Variants in ANTXR2 observed in about 807,000 individuals in gnomAD.
ANTXR2 encodes ANTXR cell adhesion molecule 2.
A neutral mutation model predicts 73.7 loss-of-function variants in ANTXR2; 44 were observed. The observed-to-expected ratio is 0.60, with a 90% CI of 0.47 to 0.77. ANTXR2 has a LOEUF of 0.77. Ranked by LOEUF, ANTXR2 falls within the 30% of genes least tolerant of loss-of-function variation. The pLI, the probability that ANTXR2 is intolerant of heterozygous loss-of-function variation, is 0.00. For synonymous variants in ANTXR2, 217 were observed against 205.9 expected (o/e 1.05, Z -0.46); for missense variants, 604 against 592.5 (o/e 1.02, Z -0.20).
At chr4:80,019,895 T>G (rs1732074720) in intron 10 of ANTXR2, among the ~76,000 whole-genome samples, 1 of 152,190 alleles carries the variant, frequency 6.6e-6, no homozygotes, top group African/African-American at 2.4e-5. Flanking sequence ...TAATAATCAT[T>G]AAAATTTCAT....
At chr4:80,014,146 T>TCTTCACTTA (rs1731726314) in intron 11 of ANTXR2, among the ~76,000 whole-genome samples, 1 of 152,152 alleles carries the variant, frequency 6.6e-6, no homozygotes, top group South Asian at 2.1e-4. Context: ...TTCTCTTATT[T>TCTTCACTTA]CTTCACTTAC....
chr4:80,019,661 CA>C (rs1382627477), intron 10 of ANTXR2, among the ~76,000 whole-genome samples: 1 of 151,902 alleles, frequency 6.6e-6, no homozygotes, highest in Admixed American at 6.6e-5. Context: ...AGCAATAAAC[CA>C]GTCAAAAATA....
chr4:80,064,779 AAAG>A (rs1488426305), intron 3 of ANTXR2, among the ~76,000 whole-genome samples: 1 of 152,182 alleles, frequency 6.6e-6, no homozygotes, highest in Non-Finnish European at 1.5e-5. Context: ...CAGGGAATGG[AAAG>A]AAGACCACTT....
intron 12 of ANTXR2, among the ~76,000 whole-genome samples, chr4:80,001,216 G>C (rs1467472067): frequency 6.6e-6 from 1 of 151,794 alleles, no homozygotes; most frequent in East Asian, 1.9e-4. Flanking sequence ...TGCACATTGT[G>C]CAGGTTAGTT....
intron 3 of ANTXR2, among the ~76,000 whole-genome samples, chr4:80,061,076 A>T (rs1335509027): frequency 6.6e-6 from 1 of 152,122 alleles, no homozygotes; most frequent in African/African-American, 2.4e-5. Context: ...GCTTCTTCCT[A>T]GCATGGTGGT....
At chr4:80,072,221 C>T (rs144492702) in intron 1 of ANTXR2, among the ~76,000 whole-genome samples, 188 bp downstream of exon 1, 19 of 152,150 alleles carry the variant, frequency 1.2e-4, no homozygotes, top group African/African-American at 4.6e-4. Flanking sequence ...ATCACTACCC[C>T]CGACCCGGCT....
chr4:79,963,828 T>A (rs1250443123), intron 16 of ANTXR2, among the ~76,000 whole-genome samples: 1 of 152,142 alleles, frequency 6.6e-6, no homozygotes, highest in Non-Finnish European at 1.5e-5. Context: ...AGTCAACACA[T>A]TCTTGAATTT....
chr4:80,047,905 T>A (rs900950439), intron 7 of ANTXR2, among the ~76,000 whole-genome samples: 1 of 151,718 alleles, frequency 6.6e-6, no homozygotes, highest in African/African-American at 2.4e-5. Flanking sequence ...TTCCTTAAAC[T>A]ATTATTAACT....
chr4:79,962,920 A>G (rs1435405641), intron 16 of ANTXR2, among the ~76,000 whole-genome samples: 2 of 152,172 alleles, frequency 1.3e-5, no homozygotes, highest in Non-Finnish European at 2.9e-5. Flanking sequence ...AGTCATTAGC[A>G]GCATAATTCT....
chr4:79,955,015 A>G (rs546638231), intron 16 of ANTXR2, among the ~76,000 whole-genome samples: 1 of 152,310 alleles, frequency 6.6e-6, no homozygotes, highest in South Asian at 2.1e-4. Flanking sequence ...ACACATTAGT[A>G]CTCATTTGCT....
At chr4:79,909,659 T>G (rs1172443019) in intron 16 of ANTXR2, among the ~76,000 whole-genome samples, 11 of 147,644 alleles carry the variant, frequency 7.5e-5, no homozygotes, top group Non-Finnish European at 1.6e-4. Flanking sequence ...AAAAAAAAAA[T>G]AAAGAAAAAC....
chr4:80,018,918 T>C lies in ANTXR2; in HGVS notation c.925A>G (p.Ile309Val), dbSNP rs1354197095. ...CTTACACATTCTGTGGCTGTGACAA[T>C]TAATGATCCTGAAATGACAGATTTT... ...GGKSVISGSLIVTATECSNGI... is the reference protein window; with the variant it reads ...GGKSVISGSLVVTATECSNGI... The change falls in exon 11 of 17, where the codon ATT becomes GTT. Residue 309 changes from isoleucine to valine, a missense_variant. Transcript: ENST00000403729. 2 of 1,522,752 alleles carry C rather than the reference T, an allele frequency of 1.3e-6. No individual in the cohort carries two copies. The highest frequency in any genetic ancestry group is 1.8e-6 in the Non-Finnish European group (2 of 1,137,564). 94.3% of individuals were successfully genotyped at this position (1,522,752 alleles called of 1,614,324 possible).
rs1726688974 is a variant in ANTXR2, at chr4:79,901,221, AC to A, written c.*6207del. 6.6e-6 allele frequency: 1 copy of A among 152,160 alleles called. No individual in the cohort carries two copies. Among genetic ancestry groups the A allele is most frequent in the South Asian group, 2.1e-4 (1 of 4,830 alleles). 9.4% of individuals were successfully genotyped at this position (152,160 alleles called of 1,614,324 possible). On this transcript the variant is annotated 3_prime_UTR_variant, in exon 17 of 17. Transcript: ENST00000403729. ...GGCTTCATTTCACATCAGAATTTCAACTAGTAAAAATTCTATTTACAGGTGT... is the reference window on the plus strand; with the variant it reads ...GGCTTCATTTCACATCAGAATTTCAATAGTAAAAATTCTATTTACAGGTGT...
At chr4:80,049,054 A>G (rs1467092980) in intron 7 of ANTXR2, among the ~76,000 whole-genome samples, 1 of 151,676 alleles carries the variant, frequency 6.6e-6, no homozygotes, top group African/African-American at 2.4e-5. Context: ...ATTCTTTTGG[A>G]CAAGGGTTAT....
At chr4:79,957,290 C>T (rs372292861) in intron 16 of ANTXR2, among the ~76,000 whole-genome samples, 48 of 152,094 alleles carry the variant, frequency 3.2e-4, no homozygotes, top group Middle Eastern at 3.4e-3. Context: ...TTAATGCCTG[C>T]AGATTTTTGC....
intron 12 of ANTXR2, among the ~76,000 whole-genome samples, chr4:79,986,848 C>A (rs1014674254): frequency 6.6e-6 from 1 of 152,178 alleles, no homozygotes; most frequent in African/African-American, 2.4e-5. Context: ...CAGTCCCAGT[C>A]CCCAAGGCAT....
rs886743274 is a variant in ANTXR2 at position 79,905,692 on chromosome 4, A to G, written c.*1737T>C. The stretch of plus-strand genomic sequence containing the variant: ...AGGATATATATGTATAGAAAATTAT[A>G]TATTTGTGTGTGTGTGTAAGGCCTC... On this transcript the variant is annotated 3_prime_UTR_variant, in exon 17 of 17. Coordinates refer to ENST00000403729, the MANE Select transcript of ANTXR2 (RefSeq NM_058172.6). The G allele has an allele frequency of 2.0e-5, 3 of 152,280 alleles. No homozygotes were observed. The highest frequency in any genetic ancestry group is 1.3e-4 in the Admixed American group (2 of 15,268). 9.4% of individuals were successfully genotyped at this position (152,280 alleles called of 1,614,324 possible). A position where few individuals can be genotyped will look rare whatever the true frequency, so the allele number is the denominator to read the frequency against.
chr4:79,934,481 C>T (rs1206015374), intron 16 of ANTXR2, among the ~76,000 whole-genome samples: 1 of 151,480 alleles, frequency 6.6e-6, no homozygotes, highest in African/African-American at 2.4e-5. Flanking sequence ...GAGCCAAGAT[C>T]ATGCCACTAT....
At position 79,904,969 on chromosome 4, in the gene ANTXR2, A is replaced by AT. The variant is rs1274026818; in HGVS notation, c.*2459dup. The AT allele has an allele frequency of 3.9e-5, 6 of 152,202 alleles. No individual in the cohort carries two copies. The highest frequency in any genetic ancestry group is 7.4e-5 in the Non-Finnish European group (5 of 68,024). 9.4% of individuals were successfully genotyped at this position (152,202 alleles called of 1,614,324 possible). On this transcript the variant is annotated 3_prime_UTR_variant, in exon 17 of 17. Coordinates refer to ENST00000403729, the MANE Select transcript of ANTXR2 (RefSeq NM_058172.6). ...CTAGTTAGTATAATTGGAGAAAAGC[A>AT]TAAAACAGATCTGGTTCATATCTTT...
Sources: gnomAD v4.1 joint callset for allele counts (sites outside exome capture counted in the v4.1 genomes callset) on GRCh38, gnomAD v4.1.1 for gene constraint, MANE v1.5 for transcripts, NCBI Gene and HGNC (gene_info 2026-07-23, HGNC 2026-07-21) for gene names.